The following COL5A2 variants were observed in gnomAD, a reference collection of about 807,000 sequenced individuals.
COL5A2 encodes collagen type V alpha 2 chain, also known as collagen alpha-2(V) chain.
Under a neutral mutation model 208.2 loss-of-function variants are expected in COL5A2, and 23 were observed. That is an observed-to-expected ratio of 0.11 (90% CI 0.08 to 0.16). The LOEUF (loss-of-function observed/expected upper bound fraction) is 0.16, where lower values mean the gene tolerates loss of function less well. Among genes scored for constraint, COL5A2 ranks in the 10% least tolerant of loss-of-function variants. The pLI is 1.00. For synonymous variants in COL5A2, 625 were observed against 628.5 expected (o/e 0.99, Z 0.08); for missense variants, 1,590 against 1,956.4 (o/e 0.81, Z 3.53).
chr2:189,174,832 A>G lies in COL5A2; in HGVS notation c.97+4676T>C, dbSNP rs76198504. ...ACTAAATCTATGAATCTACCAATGT[A>G]CATATGTAGAAAGAGATATACTCTT... On this transcript the variant is annotated intron_variant, in intron 1 of 53. Transcript: ENST00000374866. 4.8e-3 allele frequency among the ~76,000 whole-genome samples: 726 copies of G among 152,332 alleles called. 16 individuals carry two copies. In the East Asian group the frequency reaches 0.071, roughly 15 times the overall value.
At chr2:189,285,657 T>C in the COL5A2 span, among the ~76,000 whole-genome samples, 1 of 152,206 alleles carries the variant, frequency 6.6e-6, no homozygotes, top group Non-Finnish European at 1.5e-5. Flanking sequence ...CTAGCAGCTC[T>C]GCTTCTGATC....
At chr2:189,438,936 A>G in the COL5A2 span, among the ~76,000 whole-genome samples, 1 of 152,064 alleles carries the variant, frequency 6.6e-6, no homozygotes, top group South Asian at 2.1e-4. Flanking sequence ...CTCTGACCTC[A>G]CCTTTTACTA....
chr2:189,255,753 A>G, the COL5A2 span, among the ~76,000 whole-genome samples: 1 of 152,214 alleles, frequency 6.6e-6, no homozygotes, highest in African/African-American at 2.4e-5. Context: ...ACTATAACCT[A>G]AAATGGAATA....
chr2:189,068,804 A>T lies in COL5A2; in HGVS notation c.1239T>A (p.Val413=), dbSNP rs1294929841. 6.2e-7 allele frequency: 1 copy of T among 1,613,262 alleles called. No individual in the cohort carries two copies. Among genetic ancestry groups the T allele is most frequent in the Admixed American group, 1.7e-5 (1 of 59,980 alleles). The change falls in exon 19 of 54, where the codon GTT becomes GTA. Residue 413 remains valine (V), a synonymous_variant. Coordinates refer to ENST00000374866, the MANE Select transcript of COL5A2 (RefSeq NM_000393.5). ...AACTTACAGGAAGACCTGGAGAGCC[A>T]ACTGGACCTGGGGGCCCAGTTTCAC... The part of the protein sequence containing the change: ...QRGETGPPGP[V]GSPGLPGAIG...
At chr2:189,397,277 T>C in the COL5A2 span, among the ~76,000 whole-genome samples, 4 of 152,200 alleles carry the variant, frequency 2.6e-5, no homozygotes, top group Non-Finnish European at 4.4e-5. Context: ...CAAACCTTTA[T>C]TGACTAATTG....
Position 189,215,630 on chromosome 2 carries a change from T to G in COL5A2, c.-42+9518A>C, listed in dbSNP as rs571266151. Among the ~76,000 whole-genome samples the G allele has an allele frequency of 3.3e-5, 5 of 152,242 alleles. No homozygotes were observed. In the East Asian group the frequency reaches 9.6e-4, roughly 29 times the overall value. ...TTGATATCTCACATTACATATCTTT[T>G]GGGCAGTGCTATTCTGAAAAAACAA... On this transcript the variant is annotated intron_variant, in intron 1 of 10. Transcript: ENST00000649966.
intron 1 of COL5A2, among the ~76,000 whole-genome samples, chr2:189,191,950 C>T (rs1688937737): frequency 6.6e-6 from 1 of 151,476 alleles, no homozygotes; most frequent in Non-Finnish European, 1.5e-5. Flanking sequence ...TAGAACCACA[C>T]CCATATCTTT....
At chr2:189,437,721 G>C in the COL5A2 span, among the ~76,000 whole-genome samples, 2 of 152,274 alleles carry the variant, frequency 1.3e-5, no homozygotes, top group African/African-American at 2.4e-5. Context: ...GGAAACCTAA[G>C]AAGAGATAAA....
At chr2:189,341,999 A>G in the COL5A2 span, among the ~76,000 whole-genome samples, 1 of 152,116 alleles carries the variant, frequency 6.6e-6, no homozygotes, top group South Asian at 2.1e-4. Flanking sequence ...ATTGAACTGA[A>G]CTACCTGAAA....
the COL5A2 span, among the ~76,000 whole-genome samples, chr2:189,386,677 C>G: frequency 1.3e-5 from 2 of 152,116 alleles, no homozygotes; most frequent in African/African-American, 4.8e-5. Context: ...TGAACACATA[C>G]TTCTCAAAAG....
the COL5A2 span, among the ~76,000 whole-genome samples, chr2:189,391,975 T>C: frequency 6.6e-6 from 1 of 152,176 alleles, no homozygotes; most frequent in Non-Finnish European, 1.5e-5. Context: ...ATATAAGTTA[T>C]TAATGTTCAG....
At chr2:189,332,848 G>A in the COL5A2 span, among the ~76,000 whole-genome samples, 1 of 152,208 alleles carries the variant, frequency 6.6e-6, no homozygotes, top group Admixed American at 6.5e-5. Flanking sequence ...AGTGACTTTG[G>A]GATGGGGTAA....
rs34854673 is a variant in COL5A2 at position 189,205,397 on chromosome 2, C to G, written c.-42+19751G>C. Among the ~76,000 whole-genome samples the G allele has an allele frequency of 3.0e-3, 461 of 152,232 alleles. 1 individual carries two copies. Among genetic ancestry groups the G allele is most frequent in the Non-Finnish European group, 4.5e-3 (307 of 68,016 alleles). Reference sequence around the variant, plus strand: ...GTGAGTAGCAGAAAAGGAATATGAACCCAGGAAATCAAATCCCAAATCTCA... The same window carrying G: ...GTGAGTAGCAGAAAAGGAATATGAAGCCAGGAAATCAAATCCCAAATCTCA... On this transcript the variant is annotated intron_variant, in intron 1 of 10. Coordinates refer to the COL5A2 transcript ENST00000649966.
the COL5A2 span, among the ~76,000 whole-genome samples, chr2:189,256,206 T>A: frequency 6.6e-6 from 1 of 152,288 alleles, no homozygotes; most frequent in African/African-American, 2.4e-5. Flanking sequence ...AAGGTTCTCA[T>A]GGAAAGAGAT....
At chr2:189,267,568 T>C in the COL5A2 span, among the ~76,000 whole-genome samples, 1 of 152,136 alleles carries the variant, frequency 6.6e-6, no homozygotes, top group Non-Finnish European at 1.5e-5. Flanking sequence ...GTACCCATCA[T>C]TTTTAAAAAG....
chr2:189,143,230 G>T (rs1687969914), intron 1 of COL5A2, among the ~76,000 whole-genome samples: 2 of 152,138 alleles, frequency 1.3e-5, no homozygotes, highest in Admixed American at 6.6e-5. Context: ...TTCAATCCAA[G>T]CTCTCCTTGT....
chr2:189,436,340 G>A, the COL5A2 span, among the ~76,000 whole-genome samples: 3 of 152,132 alleles, frequency 2.0e-5, no homozygotes, highest in Non-Finnish European at 4.4e-5. Flanking sequence ...CCATCAGAGT[G>A]AACAGGCCAC....
At chr2:189,181,835 T>C (rs966949248), upstream of COL5A2, among the ~76,000 whole-genome samples, 1 of 152,220 alleles carries the variant, frequency 6.6e-6, no homozygotes, top group Non-Finnish European at 1.5e-5. Context: ...ACATGGCTTA[T>C]ATAAGAAAGG....
At chr2:189,274,043 A>G in the COL5A2 span, among the ~76,000 whole-genome samples, 1 of 152,144 alleles carries the variant, frequency 6.6e-6, no homozygotes, top group African/African-American at 2.4e-5. Flanking sequence ...GGTAATGCAT[A>G]TGTTAAATAG....
Sources: allele counts gnomAD v4.1 joint callset (sites outside exome capture counted in the v4.1 genomes callset), GRCh38; gene constraint gnomAD v4.1.1; transcripts MANE v1.5; gene names NCBI Gene and HGNC (gene_info 2026-07-23, HGNC 2026-07-21).